The following DPY19L2 variants were observed in gnomAD, a reference collection of about 807,000 sequenced individuals.
DPY19L2 encodes probable C-mannosyltransferase DPY19L2.
DPY19L2 carries 34 observed loss-of-function variants against 97.9 expected under a neutral mutation model. That is an observed-to-expected ratio of 0.35 (90% confidence interval 0.26 to 0.46). The LOEUF is 0.46. DPY19L2 is among the 20% of genes least tolerant of loss of function. The pLI is 1.00. For synonymous variants in DPY19L2, 230 were observed against 307.9 expected (o/e 0.75, Z 2.65); for missense variants, 623 against 911.4 (o/e 0.68, Z 4.07).
chr12:63,613,817 C>T (rs1350586660), intron 11 of DPY19L2, among the ~76,000 whole-genome samples: 3 of 151,950 alleles, frequency 2.0e-5, no homozygotes, highest in Non-Finnish European at 2.9e-5. Context: ...GAAAGTGATA[C>T]GTTTATAACG....
At chr12:63,658,416 C>T (rs1895243454) in intron 4 of DPY19L2, among the ~76,000 whole-genome samples, 1 of 152,092 alleles carries the variant, frequency 6.6e-6, no homozygotes, top group African/African-American at 2.4e-5. Context: ...ATCGCTTGAA[C>T]CCAGGAGGCA....
chr12:63,622,131 T>C (rs1247759238), intron 8 of DPY19L2, among the ~76,000 whole-genome samples: 1 of 152,210 alleles, frequency 6.6e-6, no homozygotes, highest in Non-Finnish European at 1.5e-5. Flanking sequence ...TGTAATCTTA[T>C]ATTTTTCAAA....
At chr12:63,574,114 A>C (rs1480122488) in intron 19 of DPY19L2, among the ~76,000 whole-genome samples, 1 of 152,052 alleles carries the variant, frequency 6.6e-6, no homozygotes, top group African/African-American at 2.4e-5. Context: ...AAATACAACA[A>C]CTTTTCAAGA....
chr12:63,638,964 C>T (rs543077826), intron 6 of DPY19L2, among the ~76,000 whole-genome samples: 1 of 152,200 alleles, frequency 6.6e-6, no homozygotes, highest in South Asian at 2.1e-4. Flanking sequence ...TACTACAAGG[C>T]TACAGTAACC....
intron 9 of DPY19L2, chr12:63,619,886 C>T (rs1229927354): frequency 2.3e-6 from 1 of 428,634 alleles, no homozygotes; most frequent in Non-Finnish European, 4.6e-6. Context: ...AAAATCTATT[C>T]TACTCTGTTG....
intron 16 of DPY19L2, chr12:63,584,126 T>C (rs1388868287): frequency 2.2e-5 from 7 of 325,534 alleles, no homozygotes; most frequent in East Asian, 6.6e-5. Flanking sequence ...AATAAATGAA[T>C]AGGATGACCT....
At position 63,582,599 on chromosome 12, in the gene DPY19L2, A is replaced by G. The variant is rs1451526027; in HGVS notation, c.1606-74T>C. On this transcript the variant is annotated intron_variant, in intron 17 of 21. Coordinates refer to ENST00000324472, the MANE Select transcript of DPY19L2 (RefSeq NM_173812.5). ...TAAATTAATGAAGTATATTAAAACT[A>G]TATTATTCATTAAGACAAGGATCTT... 7.0e-6 allele frequency: 10 copies of G among 1,420,128 alleles called. No homozygotes were observed. The Admixed American group carries it at 2.1e-4, about 29-fold the overall frequency. The allele number at this position is 1,420,128 out of a possible 1,614,324, so 88.0% of individuals were successfully genotyped here.
intron 16 of DPY19L2, among the ~76,000 whole-genome samples, chr12:63,593,766 T>G (rs10878060): frequency 0.4 from 60,089 of 151,180 alleles, 12,034 homozygotes; most frequent in East Asian, 0.48. Context: ...ATTGTGCACA[T>G]GTACCCTAAA....
rs573019515 is a variant in DPY19L2, at chr12:63,624,086, A to G, written c.907T>C (p.Tyr303His). 2.5e-6 allele frequency: 4 copies of G among 1,611,896 alleles called. No homozygotes were observed. In the East Asian group the frequency reaches 6.7e-5, roughly 27 times the overall value. ...WTPPLRESFSYPFLVLQMCIL... is the reference protein window; with the variant it reads ...WTPPLRESFSHPFLVLQMCIL... ...CACATCTGAAGTACAAGGAAAGGAT[A>G]GGAAAAACTTTCACGGAGAGGTGGT... The change falls in exon 8 of 22, where the codon TAT becomes CAT. Residue 303 changes from tyrosine (Y) to histidine (H), a missense_variant. Transcript: ENST00000324472.
At chr12:63,662,103 A>AGGCTT (rs1375215765) in intron 3 of DPY19L2, among the ~76,000 whole-genome samples, 4 of 152,290 alleles carry the variant, frequency 2.6e-5, no homozygotes, top group South Asian at 2.1e-4. Context: ...TATAAAATAA[A>AGGCTT]GGCTTCATTA....
At chr12:63,607,738 T>A (rs1195476078) in intron 12 of DPY19L2, among the ~76,000 whole-genome samples, 1 of 152,102 alleles carries the variant, frequency 6.6e-6, no homozygotes, top group Non-Finnish European at 1.5e-5. Flanking sequence ...GCTCAAGCGA[T>A]CCTCCCACCT....
intron 16 of DPY19L2, among the ~76,000 whole-genome samples, chr12:63,587,018 A>AT (rs1881906769): frequency 6.6e-6 from 1 of 151,762 alleles, no homozygotes; most frequent in African/African-American, 2.4e-5. Context: ...GAATTTGAAT[A>AT]GAAAAAATCT....
At chr12:63,630,293 C>T (rs1054184069) in intron 6 of DPY19L2, among the ~76,000 whole-genome samples, 1 of 152,012 alleles carries the variant, frequency 6.6e-6, no homozygotes, top group Non-Finnish European at 1.5e-5. Flanking sequence ...AGAGTCAAGA[C>T]CCATCAGTGT....
chr12:63,638,873 C>G, intron 6 of DPY19L2, among the ~76,000 whole-genome samples: 1 of 151,988 alleles, frequency 6.6e-6, no homozygotes, highest in South Asian at 2.1e-4. Context: ...CATATGGAAC[C>G]AAAAAAGAGC....
chr12:63,656,618 T>C (rs1247415587), intron 4 of DPY19L2, among the ~76,000 whole-genome samples: 1 of 152,162 alleles, frequency 6.6e-6, no homozygotes, highest in Non-Finnish European at 1.5e-5. Flanking sequence ...TTCTCAGTCA[T>C]TTATTTTTCA....
At chr12:63,595,535 T>C (rs1237358193) in intron 15 of DPY19L2, among the ~76,000 whole-genome samples, 2 of 152,236 alleles carry the variant, frequency 1.3e-5, no homozygotes, top group Non-Finnish European at 2.9e-5. Flanking sequence ...AAGACTTCAC[T>C]GTGCTTTATA....
chr12:63,606,288 T>C (rs1886031599), intron 12 of DPY19L2, among the ~76,000 whole-genome samples: 1 of 152,074 alleles, frequency 6.6e-6, no homozygotes, highest in African/African-American at 2.4e-5. Context: ...TTTGGACCTT[T>C]AATAAAATGT....
intron 12 of DPY19L2, among the ~76,000 whole-genome samples, chr12:63,600,611 C>CTTTTTTTT (rs71434019): frequency 3.6e-5 from 4 of 110,592 alleles, no homozygotes; most frequent in African/African-American, 1.1e-4. Flanking sequence ...TATCCTAAAT[C>CTTTTTTTT]TTTTTTTTTT....
rs1008867003 is a variant in DPY19L2, at chr12:63,559,115, T to C, written c.*1397A>G. 6.6e-6 allele frequency: 1 copy of C among 152,208 alleles called. No homozygotes were observed. Among genetic ancestry groups the C allele is most frequent in the Non-Finnish European group, 1.5e-5 (1 of 68,020 alleles). 9.4% of individuals were successfully genotyped at this position (152,208 alleles called of 1,614,324 possible). On this transcript the variant is annotated 3_prime_UTR_variant, in exon 22 of 22. Transcript: ENST00000324472. ...ATGTCTCTTTTCTTTGACGCTCTCC[T>C]TTTTTATCCTGTGCTTACACCAAAA... is the stretch of plus-strand genomic sequence containing the variant.
Sources: gnomAD v4.1 joint callset for allele counts (sites outside exome capture counted in the v4.1 genomes callset) on GRCh38, gnomAD v4.1.1 for gene constraint, MANE v1.5 for transcripts, NCBI Gene and HGNC (gene_info 2026-07-23, HGNC 2026-07-21) for gene names.